Variants in CECR2 observed in about 807,000 individuals in gnomAD.
The protein encoded by CECR2 is chromatin remodeling regulator CECR2.
CECR2 carries 30 observed loss-of-function variants against 154.5 expected under a neutral mutation model. The ratio of observed to expected loss-of-function variants is 0.19; its 90% CI spans 0.15 to 0.26. The LOEUF (loss-of-function observed/expected upper bound fraction) is 0.26. Among genes scored for constraint, CECR2 ranks in the 10% least tolerant of loss-of-function variants. The pLI is 1.00. For synonymous variants in CECR2, 725 were observed against 683.7 expected, an observed-to-expected ratio of 1.06 and a Z score of -0.94; for missense variants, 1,743 against 1,829.3, an observed-to-expected ratio of 0.95 and a Z score of 0.86.
At chr22:17,514,977 C>T (rs764900147) in intron 8 of CECR2, among the ~76,000 whole-genome samples, 2 of 150,024 alleles carry the variant, frequency 1.3e-5, no homozygotes, top group African/African-American at 4.9e-5. Flanking sequence ...GAGCCAAGAT[C>T]GCACCACTGC....
intron 1 of CECR2, among the ~76,000 whole-genome samples, chr22:17,390,103 A>G (rs1455100332): frequency 6.6e-6 from 1 of 152,184 alleles, no homozygotes; most frequent in African/African-American, 2.4e-5. Context: ...TTTCTGGTTC[A>G]GGTTTTCAGT....
At chr22:17,475,550 C>T (rs1433057162) in intron 1 of CECR2, among the ~76,000 whole-genome samples, 2 of 152,144 alleles carry the variant, frequency 1.3e-5, no homozygotes, top group African/African-American at 2.4e-5. Context: ...ACCTCAGCCT[C>T]CCAAGTGTCT....
intron 1 of CECR2, among the ~76,000 whole-genome samples, chr22:17,468,888 G>T (rs777895084): frequency 1.3e-5 from 2 of 152,116 alleles, no homozygotes; most frequent in Non-Finnish European, 2.9e-5. Flanking sequence ...TCTGGTGAGG[G>T]CTGTTGTGTG....
intron 8 of CECR2, among the ~76,000 whole-genome samples, chr22:17,519,511 G>A (rs368411899): frequency 2.0e-5 from 3 of 152,060 alleles, no homozygotes; most frequent in Non-Finnish European, 4.4e-5. Flanking sequence ...ACCCACCTCG[G>A]CCTCCCACAG....
At chr22:17,536,914 C>T (rs1049107486) in intron 9 of CECR2, among the ~76,000 whole-genome samples, 189 bp from the exon 10 acceptor site, 3 of 152,108 alleles carry the variant, frequency 2.0e-5, no homozygotes, top group Non-Finnish European at 4.4e-5. Flanking sequence ...AATTAGTTTA[C>T]CCTTGTCTTA....
At chr22:17,465,052 A>G (rs548615592) in intron 1 of CECR2, among the ~76,000 whole-genome samples, 1 of 146,734 alleles carries the variant, frequency 6.8e-6, no homozygotes, top group South Asian at 2.1e-4. Flanking sequence ...GCTGGAGTGC[A>G]GTGGCGCGAT....
chr22:17,536,938 G>A (rs868431363), intron 9 of CECR2, among the ~76,000 whole-genome samples, 165 bp from the exon 10 acceptor site: 1 of 152,202 alleles, frequency 6.6e-6, no homozygotes, highest in Middle Eastern at 3.4e-3. Flanking sequence ...CATTCCATCT[G>A]TAGAAACATC....
chr22:17,407,971 T>G (rs951494042), intron 1 of CECR2, among the ~76,000 whole-genome samples: 9 of 152,234 alleles, frequency 5.9e-5, no homozygotes, highest in African/African-American at 2.2e-4. Flanking sequence ...CTTTGGTGAC[T>G]AATAATCTTG....
intron 16 of CECR2, among the ~76,000 whole-genome samples, chr22:17,544,284 G>T (rs1036706149): frequency 1.3e-5 from 2 of 148,700 alleles, no homozygotes; most frequent in Non-Finnish European, 3.0e-5. Flanking sequence ...AGATTACAAG[G>T]TCAGGAGATT....
chr22:17,463,906 C>A (rs1328216506), intron 1 of CECR2, among the ~76,000 whole-genome samples: 1 of 151,986 alleles, frequency 6.6e-6, no homozygotes, highest in Non-Finnish European at 1.5e-5. Context: ...AGTTGGAGGG[C>A]TAGGGTGAGG....
At chr22:17,413,394 C>T (rs879286829) in intron 1 of CECR2, among the ~76,000 whole-genome samples, 15 of 152,138 alleles carry the variant, frequency 9.9e-5, no homozygotes, top group Non-Finnish European at 1.8e-4. Context: ...GAGGCACGTT[C>T]TTAATGTATT....
chr22:17,524,749 G>A, intron 9 of CECR2: 1 of 172,654 alleles, frequency 5.8e-6, no homozygotes. Context: ...CCCACCTGGA[G>A]TGCAGTGGCA....
At chr22:17,459,325 C>G (rs554157394) in intron 1 of CECR2, among the ~76,000 whole-genome samples, 5 of 152,192 alleles carry the variant, frequency 3.3e-5, no homozygotes, top group Non-Finnish European at 7.3e-5. Flanking sequence ...GCATCCCAGC[C>G]CTGTGTCCCA....
chr22:17,376,149 A>T (rs2063116453), intron 1 of CECR2, among the ~76,000 whole-genome samples: 2 of 152,144 alleles, frequency 1.3e-5, no homozygotes, highest in Non-Finnish European at 2.9e-5. Context: ...TGCTATCATA[A>T]TGTAACTCTT....
rs144523275 is a variant in CECR2, at chr22:17,485,494, G to A, written c.221+7812G>A. Among the ~76,000 whole-genome samples the A allele has an allele frequency of 7.4e-3, 1,130 of 152,330 alleles. 10 individuals carry two copies. Among genetic ancestry groups the A allele is most frequent in the Non-Finnish European group, 0.012 (808 of 68,030 alleles). ...AAAAGTAGTGAAGTATTGGCCGGGC[G>A]TGGTGGCTCACGCCTGTAATCTCAA... is the stretch of plus-strand genomic sequence containing the variant. On this transcript the variant is annotated intron_variant, in intron 2 of 18. Coordinates refer to ENST00000262608, the MANE Select transcript of CECR2 (RefSeq NM_001290047.2).
intron 1 of CECR2, among the ~76,000 whole-genome samples, chr22:17,401,442 T>C (rs944145790): frequency 6.6e-6 from 1 of 152,184 alleles, no homozygotes; most frequent in African/African-American, 2.4e-5. Context: ...TGTGATATCC[T>C]TGTGTCCCTT....
chr22:17,512,534 C>G (rs1338529273), intron 8 of CECR2, among the ~76,000 whole-genome samples: 1 of 151,800 alleles, frequency 6.6e-6, no homozygotes, highest in African/African-American at 2.4e-5. Context: ...AAAACCCCAT[C>G]TCTACTAAAA....
chr22:17,415,348 C>T (rs1034527101), intron 1 of CECR2, among the ~76,000 whole-genome samples: 1 of 152,194 alleles, frequency 6.6e-6, no homozygotes, highest in Non-Finnish European at 1.5e-5. Context: ...AGCCATCCTT[C>T]CACCTTAGCC....
intron 1 of CECR2, among the ~76,000 whole-genome samples, chr22:17,404,016 T>G (rs141324228): frequency 6.6e-6 from 1 of 151,246 alleles, no homozygotes; most frequent in African/African-American, 2.4e-5. Context: ...TCCTAGCACT[T>G]TGGGAGATGG....
Sources: allele counts gnomAD v4.1 joint callset (sites outside exome capture counted in the v4.1 genomes callset), GRCh38; gene constraint gnomAD v4.1.1; transcripts MANE v1.5; gene names NCBI Gene and HGNC (gene_info 2026-07-23, HGNC 2026-07-21).